The following WWOX variants were observed in gnomAD, a reference collection of about 807,000 sequenced individuals.
WWOX encodes the protein WW domain containing oxidoreductase, also known as WW domain-containing oxidoreductase.
A neutral mutation model predicts 46.2 loss-of-function variants in WWOX; 69 were observed. That is an observed-to-expected ratio of 1.49 (90% CI 1.23 to 1.82). The LOEUF is 1.82. Ranked by LOEUF, WWOX falls within the 40% of genes most tolerant of loss-of-function variation. WWOX has a pLI of 0.00. For synonymous variants in WWOX, 359 were observed against 202.6 expected, an observed-to-expected ratio of 1.77 and a Z score of -6.56; for missense variants, 919 against 542.6, an observed-to-expected ratio of 1.69 and a Z score of -6.89.
At chr16:78,982,578 C>T (rs944991542) in intron 8 of WWOX, among the ~76,000 whole-genome samples, 4 of 152,254 alleles carry the variant, frequency 2.6e-5, no homozygotes, top group East Asian at 1.9e-4. Context: ...ACATGGTTAG[C>T]TAGGCGCTGC....
At chr16:78,803,289 T>C (rs373271005) in intron 8 of WWOX, among the ~76,000 whole-genome samples, 7 of 152,054 alleles carry the variant, frequency 4.6e-5, no homozygotes, top group African/African-American at 7.2e-5. Context: ...TTGTGTGTTA[T>C]TGTAGTGGCT....
chr16:78,212,274 C>G (rs1036697257), intron 5 of WWOX, among the ~76,000 whole-genome samples: 1 of 152,180 alleles, frequency 6.6e-6, no homozygotes, highest in African/African-American at 2.4e-5. Context: ...AGGGCAGAGG[C>G]TGATCAATCT....
chr16:78,235,403 G>C lies in WWOX; in HGVS notation c.516+71114G>C, dbSNP rs192532654. ...CTGACCCCTGGTGGCAGGGAGTGGA[G>C]GTGCACTCAGGATGCTCTTGGGGAA... is the stretch of plus-strand genomic sequence containing the variant. On this transcript the variant is annotated intron_variant, in intron 5 of 8. Coordinates refer to ENST00000566780, the MANE Select transcript of WWOX (RefSeq NM_016373.4). Among the ~76,000 whole-genome samples the C allele has an allele frequency of 7.7e-4, 117 of 152,232 alleles. 1 individual carries two copies. Among genetic ancestry groups the C allele is most frequent in the African/African-American group, 2.7e-3 (112 of 41,544 alleles).
At chr16:78,262,572 C>G (rs1353851724) in intron 5 of WWOX, among the ~76,000 whole-genome samples, 1 of 152,112 alleles carries the variant, frequency 6.6e-6, no homozygotes, top group Non-Finnish European at 1.5e-5. Context: ...GGCCCCTGTC[C>G]CCAGCTTACC....
chr16:78,182,176 G>A (rs926470990), intron 5 of WWOX, among the ~76,000 whole-genome samples: 1 of 152,190 alleles, frequency 6.6e-6, no homozygotes. Context: ...GTAACTTGGG[G>A]ATGATGACAG....
At chr16:78,728,055 C>CT (rs758484198) in intron 8 of WWOX, among the ~76,000 whole-genome samples, 3,076 of 86,724 alleles carry the variant, frequency 0.035, 308 homozygotes, top group Non-Finnish European at 0.046. Context: ...TCCCTCCTTC[C>CT]TTTTTTTTTT....
intron 8 of WWOX, among the ~76,000 whole-genome samples, chr16:78,816,969 TG>T (rs1039669369): frequency 2.0e-5 from 3 of 152,094 alleles, no homozygotes; most frequent in Admixed American, 2.0e-4. Context: ...GTAAATACCT[TG>T]GGCCTGAGCT....
intron 8 of WWOX, among the ~76,000 whole-genome samples, chr16:79,108,752 T>C (rs1311346909): frequency 1.3e-5 from 2 of 151,804 alleles, no homozygotes; most frequent in African/African-American, 2.4e-5. Flanking sequence ...AAATAAAAAA[T>C]TAGTTAGGTG....
intron 8 of WWOX, among the ~76,000 whole-genome samples, chr16:78,842,808 C>T (rs536737243): frequency 1.5e-5 from 2 of 133,068 alleles, no homozygotes; most frequent in South Asian, 2.6e-4. Flanking sequence ...ACCAAGATCA[C>T]GCCACTGCAC....
chr16:78,508,865 C>G (rs1029784085), intron 8 of WWOX, among the ~76,000 whole-genome samples: 3 of 152,222 alleles, frequency 2.0e-5, no homozygotes, highest in Non-Finnish European at 4.4e-5. Context: ...CTCTGTCAAA[C>G]CTACCAACTC....
intron 5 of WWOX, chr16:78,238,083 C>A (rs2037502437): frequency 6.6e-6 from 1 of 152,252 alleles, no homozygotes; most frequent in African/African-American, 2.4e-5. Flanking sequence ...ACTTCCACAC[C>A]TTACCTCCTG....
chr16:78,824,850 G>T (rs1031599476), intron 8 of WWOX, among the ~76,000 whole-genome samples: 12 of 152,138 alleles, frequency 7.9e-5, no homozygotes, highest in Non-Finnish European at 2.9e-5. Flanking sequence ...AGCATATCAG[G>T]GTCCTAGGCA....
At chr16:78,756,241 A>C (rs2049643323) in intron 8 of WWOX, among the ~76,000 whole-genome samples, 1 of 152,174 alleles carries the variant, frequency 6.6e-6, no homozygotes, top group African/African-American at 2.4e-5. Flanking sequence ...CTGTTGCTTA[A>C]AGTGGCAGAA....
intron 8 of WWOX, among the ~76,000 whole-genome samples, chr16:78,861,801 A>G (rs1288030601): frequency 6.6e-6 from 1 of 152,208 alleles, no homozygotes; most frequent in Non-Finnish European, 1.5e-5. Context: ...AAAGTCCAGA[A>G]ATTGTTGAAA....
chr16:78,740,646 T>C (rs981522657), intron 8 of WWOX, among the ~76,000 whole-genome samples: 3 of 152,110 alleles, frequency 2.0e-5, no homozygotes, highest in Non-Finnish European at 4.4e-5. Flanking sequence ...CTTGGTGAAA[T>C]TGATTTGGCA....
At chr16:78,496,830 T>C (rs919326385) in intron 8 of WWOX, among the ~76,000 whole-genome samples, 1 of 152,210 alleles carries the variant, frequency 6.6e-6, no homozygotes, top group Admixed American at 6.5e-5. Context: ...TCACTCCAAC[T>C]TTCCGGAAAC....
chr16:78,981,412 C>T (rs1250304507), intron 8 of WWOX, among the ~76,000 whole-genome samples: 1 of 151,260 alleles, frequency 6.6e-6, no homozygotes, highest in African/African-American at 2.4e-5. Flanking sequence ...GCACGTATCA[C>T]ATCCAGGATG....
chr16:78,295,505 A>G (rs1356271413), intron 5 of WWOX, among the ~76,000 whole-genome samples: 1 of 152,196 alleles, frequency 6.6e-6, no homozygotes, highest in East Asian at 1.9e-4. Context: ...TGAAGTCAGG[A>G]GTTCAAGACC....
At chr16:79,104,185 G>A (rs1011406899) in intron 8 of WWOX, among the ~76,000 whole-genome samples, 1 of 151,956 alleles carries the variant, frequency 6.6e-6, no homozygotes, top group East Asian at 1.9e-4. Context: ...CTAAAGCAAT[G>A]GTTTTCAAAC....
Sources: gnomAD v4.1 joint callset for allele counts (sites outside exome capture counted in the v4.1 genomes callset) on GRCh38, gnomAD v4.1.1 for gene constraint, MANE v1.5 for transcripts, NCBI Gene and HGNC (gene_info 2026-07-23, HGNC 2026-07-21) for gene names.